ANK2: variants seen among roughly 807,000 people sequenced by gnomAD.
ANK2 encodes ankyrin-2.
A neutral mutation model predicts 360.5 loss-of-function variants in ANK2; 83 were observed. The observed-to-expected ratio is 0.23, with a 90% CI of 0.19 to 0.28. The LOEUF (loss-of-function observed/expected upper bound fraction) is 0.28. Among genes scored for constraint, ANK2 ranks in the 10% least tolerant of loss-of-function variants. The pLI, the probability that ANK2 is intolerant of heterozygous loss-of-function variation, is 1.00. For missense variants in ANK2, 4,201 were observed against 4,795.7 expected, an observed-to-expected ratio of 0.88 and a Z score of 3.66; for synonymous variants, 1,740 against 1,759.5, an observed-to-expected ratio of 0.99 and a Z score of 0.28.
Position 113,026,451 on chromosome 4 carries a change from T to C in ANK2, c.21+121937T>C, listed in dbSNP as rs536951870. 6.6e-5 allele frequency among the ~76,000 whole-genome samples: 10 copies of C among 152,320 alleles called. No individual in the cohort carries two copies. In the South Asian group the frequency reaches 2.1e-3, roughly 32 times the overall value. On this transcript the variant is annotated intron_variant, in intron 2 of 30. Transcript: ENST00000503271. ...AAATTCCTTGATAACAGAAACCGTG[T>C]CTACTCTTTCCTCTTCAACTATATC...
At chr4:112,817,995 A>G (rs2055829912), upstream of ANK2, 1 of 152,364 alleles carries the variant, frequency 6.6e-6, no homozygotes. Context: ...ATGCAACCCA[A>G]GAGTGTGGAA....
intron 17 of ANK2, among the ~76,000 whole-genome samples, chr4:113,279,113 G>A (rs1344506965): frequency 6.6e-6 from 1 of 151,870 alleles, no homozygotes; most frequent in Non-Finnish European, 1.5e-5. Flanking sequence ...TTGTACTTAC[G>A]GACAGGGCAT....
At chr4:113,350,381 T>C in intron 37 of ANK2, 132 bp downstream of exon 37, 1 of 721,176 alleles carries the variant, frequency 1.4e-6, no homozygotes. Flanking sequence ...TTATTAATCA[T>C]TAATATATTT....
chr4:113,022,991 G>A (rs994233889), intron 2 of ANK2, among the ~76,000 whole-genome samples: 1 of 152,098 alleles, frequency 6.6e-6, no homozygotes, highest in Non-Finnish European at 1.5e-5. Flanking sequence ...AATAGGTTGA[G>A]TGTGATCAGG....
rs1275894163 is a variant in ANK2, at chr4:112,920,903, GT to G, written c.21+16391del. The stretch of plus-strand genomic sequence containing the variant: ...AAAATAGTTAAATATTATATTTAAA[GT>G]TAACCCTAAATTAAAGCTGTTGTAT... On this transcript the variant is annotated intron_variant, in intron 2 of 30. Transcript: ENST00000503271. Among the ~76,000 whole-genome samples, 7 of 152,078 alleles carry G rather than the reference GT, an allele frequency of 4.6e-5. No homozygotes were observed. In the East Asian group the frequency reaches 1.3e-3, roughly 29 times the overall value.
intron 13 of ANK2, among the ~76,000 whole-genome samples, chr4:113,259,798 C>A: frequency 7.0e-6 from 1 of 143,692 alleles, no homozygotes; most frequent in Admixed American, 7.0e-5. Flanking sequence ...TTTGAGATGA[C>A]TACCTTTTTT....
upstream of ANK2, among the ~76,000 whole-genome samples, chr4:112,817,785 G>A: frequency 6.6e-6 from 1 of 152,030 alleles, no homozygotes; most frequent in East Asian, 1.9e-4. Context: ...TTATTCCTCA[G>A]CTTCTCTGAA....
intron 1 of ANK2, among the ~76,000 whole-genome samples, chr4:112,884,197 C>CA: frequency 6.6e-6 from 1 of 152,084 alleles, no homozygotes; most frequent in East Asian, 1.9e-4. Flanking sequence ...TTGTTATCCC[C>CA]AAAATGAAAC....
chr4:112,752,400 CCCT>C, the ANK2 span, among the ~76,000 whole-genome samples: 1 of 152,112 alleles, frequency 6.6e-6, no homozygotes, highest in Admixed American at 6.6e-5. Context: ...CTTTTTCTCC[CCCT>C]CCTCAGCTTT....
intron 2 of ANK2, among the ~76,000 whole-genome samples, chr4:112,933,049 G>C (rs2093402797): frequency 6.6e-6 from 1 of 152,126 alleles, no homozygotes; most frequent in African/African-American, 2.4e-5. Context: ...GGGAAATTTG[G>C]ATATTAAGTG....
In ANK2 at chr4:113,343,146, A is replaced by G. The variant is rs1488173392; in HGVS notation, c.4248+4A>G. On this transcript the variant is annotated splice_donor_region_variant and intron_variant, in intron 34 of 45. Transcript: ENST00000357077. ...TAGACTTCCTCTATTTGTCAAGGTA[A>G]TATATACATGGAATTTTGTGATGCA... is the stretch of plus-strand genomic sequence containing the variant. 2.5e-6 allele frequency: 4 copies of G among 1,613,012 alleles called. No individual in the cohort carries two copies. The highest frequency in any genetic ancestry group is 3.4e-6 in the Non-Finnish European group (4 of 1,179,314).
chr4:113,033,299 A>G (rs2060819482), intron 2 of ANK2, among the ~76,000 whole-genome samples: 1 of 152,026 alleles, frequency 6.6e-6, no homozygotes, highest in Non-Finnish European at 1.5e-5. Context: ...AAGACACTGC[A>G]ATTCAGGAAA....
At chr4:112,850,643 A>G (rs1162975253) in intron 1 of ANK2, among the ~76,000 whole-genome samples, 1 of 147,734 alleles carries the variant, frequency 6.8e-6, no homozygotes, top group Non-Finnish European at 1.5e-5. Context: ...CAGCCTCCCA[A>G]GTAGATGGGA....
chr4:112,984,083 A>C (rs983294952), intron 2 of ANK2, among the ~76,000 whole-genome samples: 1 of 152,252 alleles, frequency 6.6e-6, no homozygotes, highest in African/African-American at 2.4e-5. Flanking sequence ...AGGCTCAGCC[A>C]GTGTGGAATC....
intron 4 of ANK2, among the ~76,000 whole-genome samples, chr4:113,219,443 C>T (rs1012534242): frequency 6.6e-6 from 1 of 151,714 alleles, no homozygotes; most frequent in Non-Finnish European, 1.5e-5. Context: ...TGGTGAGCAG[C>T]ACTTAATCTA....
intron 3 of ANK2, among the ~76,000 whole-genome samples, chr4:113,198,635 A>G (rs1304114089): frequency 3.9e-5 from 6 of 152,184 alleles, no homozygotes; most frequent in African/African-American, 9.6e-5. Context: ...AAGAAACTCA[A>G]TGTTTCAGTA....
chr4:113,212,359 A>C (rs2153455840), intron 4 of ANK2, among the ~76,000 whole-genome samples: 1 of 152,348 alleles, frequency 6.6e-6, no homozygotes, highest in Non-Finnish European at 1.5e-5. Context: ...AAACATGGTA[A>C]ATATAAATTT....
intron 25 of ANK2, 93 bp downstream of exon 25, chr4:113,317,902 C>T (rs902792715): frequency 8.6e-5 from 89 of 1,039,072 alleles, no homozygotes; most frequent in South Asian, 8.3e-4. Flanking sequence ...TTTTAATCCC[C>T]CCAAAATCAT....
At position 112,964,141 on chromosome 4, in the gene ANK2, C is replaced by T. The variant is rs540493171; in HGVS notation, c.21+59627C>T. Among the ~76,000 whole-genome samples the T allele has an allele frequency of 1.2e-3, 179 of 147,500 alleles. 1 individual carries two copies. Among genetic ancestry groups the T allele is most frequent in the Non-Finnish European group, 2.1e-3 (141 of 67,108 alleles). ...GTGGTGTGTACATTTATGGGGCACACGAGATACTTTGATACAGGCATGCAG... is the reference window on the plus strand; with the variant it reads ...GTGGTGTGTACATTTATGGGGCACATGAGATACTTTGATACAGGCATGCAG... On this transcript the variant is annotated intron_variant, in intron 2 of 30. Transcript: ENST00000503271.
Sources: allele counts gnomAD v4.1 joint callset (sites outside exome capture counted in the v4.1 genomes callset), GRCh38; gene constraint gnomAD v4.1.1; transcripts MANE v1.5; gene names NCBI Gene and HGNC (gene_info 2026-07-23, HGNC 2026-07-21).